Variants in PHF20 observed in about 807,000 individuals in gnomAD.
PHF20 encodes glioma-expressed antigen 2.
Under a neutral mutation model 113.5 loss-of-function variants are expected in PHF20, and 23 were observed. That is an observed-to-expected ratio of 0.20 (90% CI 0.15 to 0.29). The LOEUF (loss-of-function observed/expected upper bound fraction) is 0.29. Ranked by LOEUF, PHF20 falls within the 10% of genes least tolerant of loss-of-function variation. PHF20 has a pLI of 1.00. For missense variants in PHF20, 943 were observed against 1,219.6 expected (o/e 0.77, Z 3.38); for synonymous variants, 434 against 457.3 (o/e 0.95, Z 0.65).
chr20:35,852,169 G>T (rs1036827514), intron 4 of PHF20, among the ~76,000 whole-genome samples: 35 of 152,332 alleles, frequency 2.3e-4, no homozygotes, highest in Non-Finnish European at 5.9e-5. Context: ...CTGCATGGAG[G>T]TCTGTGGTTC....
At chr20:35,847,676 C>T (rs2042647451) in intron 4 of PHF20, among the ~76,000 whole-genome samples, 1 of 152,210 alleles carries the variant, frequency 6.6e-6, no homozygotes, top group South Asian at 2.1e-4. Flanking sequence ...AAAACAGTCA[C>T]AGTTCATCTG....
In PHF20 at chr20:35,948,917, A is replaced by G. The variant is rs913400612; in HGVS notation, c.*1290A>G. On this transcript the variant is annotated 3_prime_UTR_variant, in exon 18 of 18. Coordinates refer to ENST00000374012, the MANE Select transcript of PHF20 (RefSeq NM_016436.5). ...TGGGTTTATGAGTCTGTAATGTTAT[A>G]TGCTGCAAACATTTACTATGTAAAC... The G allele has an allele frequency of 6.5e-6, 1 of 152,770 alleles. No homozygotes were observed. The highest frequency in any genetic ancestry group is 1.9e-4 in the East Asian group (1 of 5,194). 9.5% of individuals were successfully genotyped at this position (152,770 alleles called of 1,614,324 possible).
chr20:35,863,497 T>G lies in PHF20; in HGVS notation c.808+97T>G. On this transcript the variant is annotated intron_variant, in intron 6 of 17. Coordinates refer to ENST00000374012, the MANE Select transcript of PHF20 (RefSeq NM_016436.5). ...TAACTTGTGTACGTCAATCGTTTAT[T>G]TTTGTGACTGATTTTGAATTGTCTT... The G allele has an allele frequency of 2.4e-6, 3 of 1,241,056 alleles. No individual in the cohort carries two copies. In the East Asian group the frequency reaches 7.1e-5, roughly 29 times the overall value. The allele number at this position is 1,241,056 out of a possible 1,614,324, so 76.9% of individuals were successfully genotyped here.
chr20:35,917,733 C>A, intron 13 of PHF20, 71 bp downstream of exon 13: 1 of 1,301,736 alleles, frequency 7.7e-7, no homozygotes, highest in Non-Finnish European at 1.1e-6. Flanking sequence ...TTGAGGCCAG[C>A]AACAATGGCA....
chr20:35,927,883 G>A lies in PHF20; in HGVS notation c.2104+4G>A, dbSNP rs753635083. ...TATGTTTGCCAAGACCCTCCAGGTA[G>A]AGATTTCTGGAGTCAGGGATATAAC... On this transcript the variant is annotated splice_donor_region_variant and intron_variant, in intron 14 of 17. Coordinates refer to ENST00000374012, the MANE Select transcript of PHF20 (RefSeq NM_016436.5). 3.8e-6 allele frequency: 6 copies of A among 1,586,132 alleles called. No individual in the cohort carries two copies. Among genetic ancestry groups the A allele is most frequent in the Non-Finnish European group, 4.3e-6 (5 of 1,154,426 alleles).
At chr20:35,814,995 A>G (rs1057250172) in intron 2 of PHF20, among the ~76,000 whole-genome samples, 3 of 151,946 alleles carry the variant, frequency 2.0e-5, no homozygotes, top group Admixed American at 6.6e-5. Flanking sequence ...CAGGAGTTTG[A>G]GACCAAACTG....
At position 35,949,632 on chromosome 20, in the gene PHF20, T is replaced by C. The variant is rs1057095246; in HGVS notation, c.*2005T>C. 2 of 152,658 alleles carry C rather than the reference T, an allele frequency of 1.3e-5. No homozygotes were observed. Among genetic ancestry groups the C allele is most frequent in the Non-Finnish European group, 2.9e-5 (2 of 68,036 alleles). 9.5% of individuals were successfully genotyped at this position (152,658 alleles called of 1,614,324 possible). ...GACTCCCCAAGTTCTTATAACCTCA[T>C]TGTGCTTCCCTAATTTAAAGCCATG... On this transcript the variant is annotated 3_prime_UTR_variant, in exon 18 of 18. Coordinates refer to ENST00000374012, the MANE Select transcript of PHF20 (RefSeq NM_016436.5).
chr20:35,838,744 T>G (rs558676688), intron 2 of PHF20, among the ~76,000 whole-genome samples: 1 of 152,054 alleles, frequency 6.6e-6, no homozygotes, highest in Non-Finnish European at 1.5e-5. Context: ...ATCTCAGCAC[T>G]TTGGGAGGCT....
In PHF20 at chr20:35,809,601, C is replaced by T. The variant is rs1260344429; in HGVS notation, c.83+7996C>T. On this transcript the variant is annotated intron_variant, in intron 2 of 17. Transcript: ENST00000374012. Reference sequence around the variant, plus strand: ...CTCAAAAAAAAAAAAAAAGATAATCCAGCTGGGCATGGTGACTCATGCCTG... The same window carrying T: ...CTCAAAAAAAAAAAAAAAGATAATCTAGCTGGGCATGGTGACTCATGCCTG... Among the ~76,000 whole-genome samples the T allele has an allele frequency of 4.7e-5, 7 of 150,198 alleles. No homozygotes were observed. In the South Asian group the frequency reaches 1.5e-3, roughly 32 times the overall value.
At chr20:35,866,817 G>A (rs1367892338) in intron 6 of PHF20, among the ~76,000 whole-genome samples, 1 of 152,154 alleles carries the variant, frequency 6.6e-6, no homozygotes, top group Non-Finnish European at 1.5e-5. Context: ...TAAGAACAAG[G>A]ACATTCAGTT....
chr20:35,790,731 C>T (rs2041527968), intron 1 of PHF20, among the ~76,000 whole-genome samples: 1 of 152,156 alleles, frequency 6.6e-6, no homozygotes, highest in South Asian at 2.1e-4. Context: ...CTGCTTCTCT[C>T]CTTTTAAGCT....
At chr20:35,855,378 G>A (rs2042807978) in intron 4 of PHF20, 2 of 456,868 alleles carry the variant, frequency 4.4e-6, no homozygotes, top group Non-Finnish European at 7.0e-6. Context: ...TTTTATCATA[G>A]CCTGTTCATC....
intron 9 of PHF20, among the ~76,000 whole-genome samples, chr20:35,893,607 C>G (rs1487289105): frequency 6.6e-6 from 1 of 151,158 alleles, no homozygotes; most frequent in Admixed American, 6.6e-5. Context: ...CCCAGCCGGC[C>G]ATGGCTTTTT....
chr20:35,826,083 C>A (rs1328599479), intron 2 of PHF20, among the ~76,000 whole-genome samples: 1 of 152,004 alleles, frequency 6.6e-6, no homozygotes, highest in Non-Finnish European at 1.5e-5. Context: ...TCGCTCTTGT[C>A]CCCCAGGCTG....
At chr20:35,822,257 A>C (rs2146903548) in intron 2 of PHF20, among the ~76,000 whole-genome samples, 1 of 151,942 alleles carries the variant, frequency 6.6e-6, no homozygotes, top group East Asian at 1.9e-4. Flanking sequence ...ATACACAAAA[A>C]CCCCAAGAAA....
chr20:35,870,867 T>G lies in PHF20; in HGVS notation c.923-88T>G, dbSNP rs1185634430. ...CCAGTAGTCTCTCTGTAAAGTCCTTTTAGAGACATCCAGCCCTGAAATCTG... is the reference window on the plus strand; with the variant it reads ...CCAGTAGTCTCTCTGTAAAGTCCTTGTAGAGACATCCAGCCCTGAAATCTG... On this transcript the variant is annotated intron_variant, in intron 7 of 17. Transcript: ENST00000374012. The G allele has an allele frequency of 4.4e-6, 4 of 910,120 alleles. No homozygotes were observed. The African/African-American group carries it at 6.8e-5, about 15-fold the overall frequency. The allele number at this position is 910,120 out of a possible 1,614,324, so 56.4% of individuals were successfully genotyped here.
chr20:35,789,246 C>T (rs1014082699), intron 1 of PHF20, among the ~76,000 whole-genome samples: 3 of 151,930 alleles, frequency 2.0e-5, no homozygotes, highest in African/African-American at 7.2e-5. Flanking sequence ...CATGGTGAAA[C>T]TAGAGACTAG....
intron 12 of PHF20, among the ~76,000 whole-genome samples, chr20:35,914,454 G>GT (rs1209177367): frequency 2.0e-5 from 3 of 152,140 alleles, no homozygotes; most frequent in African/African-American, 7.2e-5. Context: ...GAAATGTCAA[G>GT]TTTTTTGGAG....
At chr20:35,798,409 C>T (rs1276197080) in intron 1 of PHF20, among the ~76,000 whole-genome samples, 3 of 151,910 alleles carry the variant, frequency 2.0e-5, no homozygotes, top group Non-Finnish European at 2.9e-5. Context: ...TGAGCAAGAC[C>T]TTGTCTCCAA....
Sources: gnomAD v4.1 joint callset for allele counts (sites outside exome capture counted in the v4.1 genomes callset) on GRCh38, gnomAD v4.1.1 for gene constraint, MANE v1.5 for transcripts, NCBI Gene and HGNC (gene_info 2026-07-23, HGNC 2026-07-21) for gene names.